The following PLCL1 variants were observed in gnomAD, a reference collection of about 807,000 sequenced individuals.
The protein encoded by PLCL1 is inactive phospholipase C-like protein 1.
Under a neutral mutation model 84.4 loss-of-function variants are expected in PLCL1, and 41 were observed. That is an observed-to-expected ratio of 0.49 (90% CI 0.38 to 0.63). PLCL1 has a LOEUF of 0.63. Ranked by LOEUF, PLCL1 falls within the 30% of genes least tolerant of loss-of-function variation. The probability of loss-of-function intolerance (pLI) is 0.00; values close to 1 mark genes in which losing one functional copy is unlikely to be tolerated. For synonymous variants in PLCL1, 490 were observed against 488.3 expected, an observed-to-expected ratio of 1.00 and a Z score of -0.05; for missense variants, 1,206 against 1,367.8, an observed-to-expected ratio of 0.88 and a Z score of 1.87.
In PLCL1 at chr2:198,147,038, G is replaced by A. The variant is rs1270491886; in HGVS notation, c.*76G>A. On this transcript the variant is annotated 3_prime_UTR_variant, in exon 6 of 6. Transcript: ENST00000428675. ...TCATTCTTGTTTTCTTTCTTTAAAT[G>A]TTTTATAAGTTCACAAAATGGTGCC... 3 of 1,266,330 alleles carry A rather than the reference G, an allele frequency of 2.4e-6. No homozygotes were observed. The highest frequency in any genetic ancestry group is 2.1e-6 in the Non-Finnish European group (2 of 932,430). 78.4% of individuals were successfully genotyped at this position (1,266,330 alleles called of 1,614,324 possible). A position where few individuals can be genotyped will look rare whatever the true frequency, so the allele number is the denominator to read the frequency against.
At chr2:197,967,920 T>G (rs1689778541) in intron 1 of PLCL1, among the ~76,000 whole-genome samples, 1 of 152,194 alleles carries the variant, frequency 6.6e-6, no homozygotes, top group East Asian at 1.9e-4. Context: ...GACTTTTGAT[T>G]TCTCCCTTGT....
chr2:197,918,538 A>G (rs1688639061), intron 1 of PLCL1, among the ~76,000 whole-genome samples: 1 of 152,176 alleles, frequency 6.6e-6, no homozygotes, highest in South Asian at 2.1e-4. Context: ...TCTCTGTACT[A>G]TTTTCATTAT....
chr2:197,873,108 A>G (rs1211224026), intron 1 of PLCL1, among the ~76,000 whole-genome samples: 1 of 152,168 alleles, frequency 6.6e-6, no homozygotes, highest in Admixed American at 6.6e-5. Flanking sequence ...AATATAGGGA[A>G]GGTTTCTAAA....
intron 1 of PLCL1, among the ~76,000 whole-genome samples, chr2:197,915,803 G>A (rs1213541142): frequency 6.6e-6 from 1 of 152,144 alleles, no homozygotes; most frequent in African/African-American, 2.4e-5. Context: ...GGAGGGGCTT[G>A]GTGATGCGAA....
At chr2:198,046,967 A>C (rs1336314361) in intron 1 of PLCL1, among the ~76,000 whole-genome samples, 2 of 152,238 alleles carry the variant, frequency 1.3e-5, no homozygotes, top group Non-Finnish European at 2.9e-5. Context: ...CAATGTTAGC[A>C]TACTAATGTA....
At chr2:198,112,810 C>T (rs1693653266) in intron 5 of PLCL1, among the ~76,000 whole-genome samples, 1 of 151,824 alleles carries the variant, frequency 6.6e-6, no homozygotes, top group East Asian at 1.9e-4. Context: ...GGGTCTTATT[C>T]CAGTGGCAGC....
chr2:197,883,078 ATTC>A (rs1301653561), intron 1 of PLCL1, among the ~76,000 whole-genome samples: 1 of 152,146 alleles, frequency 6.6e-6, no homozygotes, highest in Non-Finnish European at 1.5e-5. Flanking sequence ...TTGAGAGAGG[ATTC>A]TAGACATTGC....
intron 1 of PLCL1, among the ~76,000 whole-genome samples, chr2:198,021,679 C>G (rs559809844): frequency 6.6e-6 from 1 of 152,186 alleles, no homozygotes; most frequent in African/African-American, 2.4e-5. Context: ...ACACACCCTC[C>G]CAAGACTAAA....
intron 1 of PLCL1, among the ~76,000 whole-genome samples, chr2:197,848,277 C>T (rs547032663): frequency 4.6e-5 from 7 of 152,162 alleles, no homozygotes; most frequent in South Asian, 2.1e-4. Context: ...AATTCTGACA[C>T]GAACATGCTG....
chr2:198,053,768 A>G (rs936052903), intron 1 of PLCL1, among the ~76,000 whole-genome samples: 3 of 152,230 alleles, frequency 2.0e-5, no homozygotes, highest in Admixed American at 2.0e-4. Flanking sequence ...AACCTATTAG[A>G]TGGGGAAAAG....
At chr2:197,962,690 C>T (rs1048682366) in intron 1 of PLCL1, among the ~76,000 whole-genome samples, 5 of 151,980 alleles carry the variant, frequency 3.3e-5, no homozygotes, top group Admixed American at 2.6e-4. Flanking sequence ...AAGCCTTATT[C>T]ATTCTAAGTA....
intron 1 of PLCL1, among the ~76,000 whole-genome samples, chr2:197,908,007 G>A (rs976897566): frequency 4.6e-5 from 7 of 152,172 alleles, no homozygotes; most frequent in African/African-American, 1.7e-4. Flanking sequence ...TCTGACGTGA[G>A]TGATATTTGA....
chr2:197,946,032 T>C (rs1266498783), intron 1 of PLCL1, among the ~76,000 whole-genome samples: 1 of 152,200 alleles, frequency 6.6e-6, no homozygotes, highest in Non-Finnish European at 1.5e-5. Context: ...ACAATTTGAC[T>C]ATGCTAAATG....
At chr2:197,983,167 C>A (rs1477335106) in intron 1 of PLCL1, among the ~76,000 whole-genome samples, 1 of 102,304 alleles carries the variant, frequency 9.8e-6, no homozygotes, top group Non-Finnish European at 2.2e-5. Context: ...TCCTTTCTTT[C>A]TTTCTTTTTT....
intron 5 of PLCL1, among the ~76,000 whole-genome samples, chr2:198,139,827 T>G (rs1694341275): frequency 6.6e-6 from 1 of 152,186 alleles, no homozygotes; most frequent in Non-Finnish European, 1.5e-5. Context: ...ACCACCATTG[T>G]TTCCAAAGCA....
chr2:198,065,841 G>A (rs1692309929), intron 1 of PLCL1, among the ~76,000 whole-genome samples: 1 of 152,070 alleles, frequency 6.6e-6, no homozygotes, highest in Admixed American at 6.6e-5. Flanking sequence ...AAGACACTGA[G>A]GGATTTTTAT....
chr2:197,833,446 G>T (rs547111254), intron 1 of PLCL1, among the ~76,000 whole-genome samples: 9 of 152,212 alleles, frequency 5.9e-5, no homozygotes, highest in African/African-American at 2.2e-4. Flanking sequence ...CTCTGCCCAG[G>T]ATCTCCTTAA....
chr2:197,831,648 C>T (rs1331049769), intron 1 of PLCL1, among the ~76,000 whole-genome samples: 1 of 152,194 alleles, frequency 6.6e-6, no homozygotes, highest in African/African-American at 2.4e-5. Flanking sequence ...AGGACTTGAA[C>T]TCAGCTCTGG....
At chr2:197,880,327 C>G (rs1381893925) in intron 1 of PLCL1, among the ~76,000 whole-genome samples, 1 of 152,012 alleles carries the variant, frequency 6.6e-6, no homozygotes, top group Non-Finnish European at 1.5e-5. Flanking sequence ...TGCTACATTT[C>G]CCCAACAGTG....
Sources: gnomAD v4.1 joint callset for allele counts (sites outside exome capture counted in the v4.1 genomes callset) on GRCh38, gnomAD v4.1.1 for gene constraint, MANE v1.5 for transcripts, NCBI Gene and HGNC (gene_info 2026-07-23, HGNC 2026-07-21) for gene names.